The following HELQ variants were observed in gnomAD, a reference collection of about 807,000 sequenced individuals.
HELQ encodes the protein helicase POLQ-like.
Under a neutral mutation model 111.6 loss-of-function variants are expected in HELQ, and 77 were observed. The ratio of observed to expected loss-of-function variants is 0.69; its 90% CI spans 0.57 to 0.83. HELQ has a LOEUF of 0.83. HELQ is among the 40% of genes least tolerant of loss of function. HELQ has a pLI of 0.00. For missense variants in HELQ, 1,200 were observed against 1,288.5 expected, an observed-to-expected ratio of 0.93 and a Z score of 1.05; for synonymous variants, 438 against 454.7, an observed-to-expected ratio of 0.96 and a Z score of 0.47.
intron 17 of HELQ, among the ~76,000 whole-genome samples, chr4:83,414,039 T>C (rs1321070273): frequency 6.6e-6 from 1 of 152,178 alleles, no homozygotes; most frequent in Non-Finnish European, 1.5e-5. Flanking sequence ...GCCACTAAAT[T>C]TTGGAGTTAG....
At chr4:83,422,692 C>A (rs182538347) in intron 14 of HELQ, among the ~76,000 whole-genome samples, 40 of 152,258 alleles carry the variant, frequency 2.6e-4, no homozygotes, top group Middle Eastern at 3.4e-3. Context: ...GTCTCCTGAA[C>A]TGTGGGAGAA....
chr4:83,439,119 G>C (rs548910477), intron 8 of HELQ, among the ~76,000 whole-genome samples: 1 of 151,978 alleles, frequency 6.6e-6, no homozygotes, highest in East Asian at 1.9e-4. Flanking sequence ...CCAGGCTGGA[G>C]TGCAATGGTG....
At chr4:83,424,477 C>G (rs1386980153) in intron 14 of HELQ, among the ~76,000 whole-genome samples, 1 of 152,164 alleles carries the variant, frequency 6.6e-6, no homozygotes, top group African/African-American at 2.4e-5. Context: ...CCCATGCTAT[C>G]CTGAAACTCC....
At chr4:83,416,667 C>G (rs995881013) in intron 17 of HELQ, 64 bp downstream of exon 17, 13 of 1,514,496 alleles carry the variant, frequency 8.6e-6, no homozygotes, top group Non-Finnish European at 9.0e-7. Context: ...GTTCTGATGT[C>G]TATAATACAA....
intron 17 of HELQ, among the ~76,000 whole-genome samples, chr4:83,409,433 A>G (rs1201485940): frequency 6.6e-6 from 1 of 152,112 alleles, no homozygotes; most frequent in East Asian, 1.9e-4. Context: ...CGGCGCCTGT[A>G]GTCCGAGCTA....
At position 83,433,970 on chromosome 4, in the gene HELQ, ACT is replaced by A. The variant is rs200956893; in HGVS notation, c.2049-1705_2049-1704del. Among the ~76,000 whole-genome samples the A allele has an allele frequency of 8.1e-3, 1,144 of 141,336 alleles. 16 individuals are homozygous for A. Among genetic ancestry groups the A allele is most frequent in the African/African-American group, 0.031 (1,078 of 34,692 alleles). The allele number at this position is 141,336 out of a possible 152,430, so 92.7% of individuals were successfully genotyped here. On this transcript the variant is annotated intron_variant, in intron 9 of 17. Transcript: ENST00000295488. Reference sequence around the variant, plus strand: ...CACTCCAACCTGGAGACAAAGCGAGACTCTGTCTCAAAAAAAAAAAAAAAAGG... The same window carrying A: ...CACTCCAACCTGGAGACAAAGCGAGACTGTCTCAAAAAAAAAAAAAAAAGG...
At chr4:83,449,782 AT>A (rs1265903073) in intron 2 of HELQ, among the ~76,000 whole-genome samples, 1 of 152,104 alleles carries the variant, frequency 6.6e-6, no homozygotes, top group East Asian at 1.9e-4. Flanking sequence ...AGAAATGCAA[AT>A]GGCCAATAAA....
chr4:83,420,459 C>T (rs1266400136), intron 15 of HELQ, among the ~76,000 whole-genome samples: 1 of 151,870 alleles, frequency 6.6e-6, no homozygotes, highest in African/African-American at 2.4e-5. Context: ...TAGTGAGACC[C>T]CCCACCCCCG....
intron 9 of HELQ, among the ~76,000 whole-genome samples, chr4:83,435,879 A>G (rs546143722): frequency 3.9e-5 from 6 of 152,176 alleles, no homozygotes; most frequent in Admixed American, 1.3e-4. Flanking sequence ...CAGGATATAT[A>G]ACTTTCATTT....
chr4:83,419,419 T>C (rs774799974), intron 15 of HELQ, among the ~76,000 whole-genome samples: 1 of 149,692 alleles, frequency 6.7e-6, no homozygotes, highest in South Asian at 2.1e-4. Flanking sequence ...CCTCTATTGA[T>C]AATAATTTGA....
At chr4:83,414,902 C>T (rs1353991617) in intron 17 of HELQ, among the ~76,000 whole-genome samples, 2 of 152,034 alleles carry the variant, frequency 1.3e-5, no homozygotes, top group Non-Finnish European at 2.9e-5. Context: ...CTACCAACCC[C>T]AAGAACTCCT....
Position 83,453,273 on chromosome 4 carries a change from T to C in HELQ, c.970A>G (p.Arg324Gly), listed in dbSNP as rs781249855. 2 of 1,613,148 alleles carry C rather than the reference T, an allele frequency of 1.2e-6. No homozygotes were observed. Among genetic ancestry groups the C allele is most frequent in the South Asian group, 1.1e-5 (1 of 90,826 alleles). ...CCCTTGAATTGGGCATAAAGGTCTCTCACTTTGCTGGGTAATGAATAAAAA... is the reference window on the plus strand; with the variant it reads ...CCCTTGAATTGGGCATAAAGGTCTCCCACTTTGCTGGGTAATGAATAAAAA... Reference protein sequence around the residue: ...GPFYSLPSKVRDLYAQFKGIE... With the variant: ...GPFYSLPSKVGDLYAQFKGIE... Residue 324 changes from arginine (R) to glycine (G), a missense_variant, in exon 2 of 18, where the codon AGA (arginine) becomes GGA (glycine). This residue lies in a region of HELQ where 610 missense variants were observed against 607.1 expected (regional missense o/e 1.00). Transcript: ENST00000295488.
intron 5 of HELQ, among the ~76,000 whole-genome samples, chr4:83,444,747 G>A (rs1720961833): frequency 6.6e-6 from 1 of 152,194 alleles, no homozygotes; most frequent in African/African-American, 2.4e-5. Flanking sequence ...CATTCCATAA[G>A]GATAGACTAC....
At chr4:83,410,027 G>C (rs939570566) in intron 17 of HELQ, among the ~76,000 whole-genome samples, 1 of 152,096 alleles carries the variant, frequency 6.6e-6, no homozygotes, top group African/African-American at 2.4e-5. Flanking sequence ...GAGGCAGGAG[G>C]ATTGCTTGAG....
intron 8 of HELQ, among the ~76,000 whole-genome samples, chr4:83,438,985 T>C (rs918779170): frequency 6.6e-6 from 1 of 152,274 alleles, no homozygotes; most frequent in Admixed American, 6.5e-5. Context: ...TCCAAGATGA[T>C]TCACTATGCA....
chr4:83,421,679 G>A lies in HELQ; in HGVS notation c.2833C>T (p.Leu945Phe). The A allele has an allele frequency of 6.2e-7, 1 of 1,613,460 alleles. No homozygotes were observed. ...LYLSFVLYTL[L>F]KETNIWTVSE... Reference sequence around the variant, plus strand: ...ACAGTCCAAATGTTGGTCTCTTTGAGCAAGGTATAAAGAACAAAAGACAGA... The same window carrying A: ...ACAGTCCAAATGTTGGTCTCTTTGAACAAGGTATAAAGAACAAAAGACAGA... Residue 945 changes from leucine to phenylalanine, a missense_variant, in exon 15 of 18, where the codon CTC (leucine) becomes TTC (phenylalanine). By Grantham distance (22) the Leu-to-Phe change is conservative. Transcript: ENST00000295488.
In HELQ at chr4:83,407,410, G is replaced by A. The variant is rs960855042; in HGVS notation, c.*43C>T. 2 of 1,222,334 alleles carry A rather than the reference G, an allele frequency of 1.6e-6. No individual in the cohort carries two copies. The highest frequency in any genetic ancestry group is 2.4e-5 in the East Asian group (1 of 40,984). 75.7% of individuals were successfully genotyped at this position (1,222,334 alleles called of 1,614,324 possible). A position where few individuals can be genotyped will look rare whatever the true frequency, so the allele number is the denominator to read the frequency against. ...ATAAGTTATCTTTAATAACACACAT[G>A]TACAATAAATAATTCATATATGAAA... is the stretch of plus-strand genomic sequence containing the variant. On this transcript the variant is annotated 3_prime_UTR_variant, in exon 18 of 18. Transcript: ENST00000295488.
intron 9 of HELQ, 113 bp downstream of exon 9, chr4:83,436,745 A>G: frequency 8.8e-7 from 1 of 1,135,342 alleles, no homozygotes; most frequent in Non-Finnish European, 1.2e-6. Context: ...CATATGCTAA[A>G]AGAACATTTG....
At chr4:83,446,158 T>C in intron 4 of HELQ, 72 bp from the exon 5 acceptor site, 1 of 1,009,722 alleles carries the variant, frequency 9.9e-7, no homozygotes, top group Admixed American at 1.9e-5. Context: ...ATGCATATAT[T>C]CATATGAAAT....
Sources: gnomAD v4.1 joint callset for allele counts (sites outside exome capture counted in the v4.1 genomes callset) on GRCh38, gnomAD v4.1.1 for gene constraint, gnomAD v4.1.1 regional missense constraint, MANE v1.5 for transcripts, NCBI Gene and HGNC (gene_info 2026-07-23, HGNC 2026-07-21) for gene names.